Variants in NAPSA observed in about 807,000 individuals in gnomAD.
The protein encoded by NAPSA is napsin A aspartic peptidase.
A neutral mutation model predicts 36.7 loss-of-function variants in NAPSA; 37 were observed. That is an observed-to-expected ratio of 1.01 (90% confidence interval 0.78 to 1.33). The LOEUF is 1.33. NAPSA is among the 40% of genes most tolerant of loss of function. NAPSA has a pLI of 0.00. For missense variants in NAPSA, 532 were observed against 543.8 expected (o/e 0.98, Z 0.21); for synonymous variants, 222 against 234.5 (o/e 0.95, Z 0.49).
chr19:50,361,421 A>C (rs1601125285), intron 4 of NAPSA: 4 of 543,432 alleles, frequency 7.4e-6, no homozygotes, highest in African/African-American at 2.4e-5. Flanking sequence ...GAGAAGCCCC[A>C]CCTCTTAACC....
rs745335338 is a variant in NAPSA, at chr19:50,359,002, G to T, written c.1035+9C>A. 1.3e-5 allele frequency: 21 copies of T among 1,609,200 alleles called. No homozygotes were observed. In the Admixed American group the frequency reaches 3.5e-4, roughly 27 times the overall value. ...ACGTCACTATGGCGTCATGGTGATG[G>T]CCACCTACCTGGATGACGTAATCAT... is the stretch of plus-strand genomic sequence containing the variant. On this transcript the variant is annotated intron_variant, in intron 8 of 8. Coordinates refer to ENST00000253719, the MANE Select transcript of NAPSA (RefSeq NM_004851.3).
At chr19:50,366,301 T>C (rs987076083), upstream of NAPSA, among the ~76,000 whole-genome samples, 1 of 152,040 alleles carries the variant, frequency 6.6e-6, no homozygotes, top group Non-Finnish European at 1.5e-5. Context: ...GGTTTCTCCA[T>C]GTTGGTCAGG....
chr19:50,358,828 C>A, intron 8 of NAPSA, 48 bp from the exon 9 acceptor site: 1 of 1,529,456 alleles, frequency 6.5e-7, no homozygotes, highest in Admixed American at 2.0e-5. Context: ...ACAAGGACGG[C>A]CATTTGCCTG....
In NAPSA at chr19:50,362,405, A is replaced by G. The variant is rs564809644; in HGVS notation, c.84-92T>C. 21 of 1,241,176 alleles carry G rather than the reference A, an allele frequency of 1.7e-5. No homozygotes were observed. In the African/African-American group the frequency reaches 1.8e-4, roughly 11 times the overall value. The allele number at this position is 1,241,176 out of a possible 1,614,324, so 76.9% of individuals were successfully genotyped here. The stretch of plus-strand genomic sequence containing the variant: ...AATAGGATATGATGACAAATTCAAC[A>G]TCTCCAAGGCACTACAATAGTAGTC... On this transcript the variant is annotated intron_variant, in intron 1 of 8. Transcript: ENST00000253719.
intron 7 of NAPSA, 80 bp downstream of exon 7, chr19:50,359,423 C>A: frequency 6.3e-7 from 1 of 1,578,456 alleles, no homozygotes; most frequent in Non-Finnish European, 8.6e-7. Context: ...ATACTTGCCT[C>A]CCACCCTCAG....
At chr19:50,367,039 G>A (rs924021581), upstream of NAPSA, among the ~76,000 whole-genome samples, 1 of 152,092 alleles carries the variant, frequency 6.6e-6, no homozygotes, top group Non-Finnish European at 1.5e-5. Context: ...TGGTCAGGCT[G>A]GTCTCGAACT....
At chr19:50,365,128 G>A (rs1015588962) in intron 1 of NAPSA, among the ~76,000 whole-genome samples, 23 of 151,420 alleles carry the variant, frequency 1.5e-4, no homozygotes, top group African/African-American at 5.3e-4. Context: ...GAGGTCAGGG[G>A]TTCCAGACCA....
Position 50,358,483 on chromosome 19 carries a change from G to A in NAPSA, c.*70C>T. ...GCAACCCAGGCAGGTTCGCTCAATG[G>A]AAATAGTGGATTTTTACTGGGTAGC... is the stretch of plus-strand genomic sequence containing the variant. On this transcript the variant is annotated 3_prime_UTR_variant, in exon 9 of 9. Transcript: ENST00000253719. 1 of 1,327,440 alleles carries A rather than the reference G, an allele frequency of 7.5e-7. No homozygotes were observed. Among genetic ancestry groups the A allele is most frequent in the Non-Finnish European group, 1.0e-6 (1 of 987,272 alleles). The allele number at this position is 1,327,440 out of a possible 1,614,324, so 82.2% of individuals were successfully genotyped here.
At position 50,364,531 on chromosome 19, in the gene NAPSA, T is replaced by A. The variant is rs553458943; in HGVS notation, c.83+1008A>T. On this transcript the variant is annotated intron_variant, in intron 1 of 8. Transcript: ENST00000253719. ...TTGGGAGGCTGAGGCAGGAGAATGA[T>A]GTGAACCCGGGGGACAGAGCTTGCA... Among the ~76,000 whole-genome samples the A allele has an allele frequency of 6.7e-5, 9 of 134,718 alleles. No homozygotes were observed. The South Asian group carries it at 1.9e-3, about 29-fold the overall frequency. The allele number at this position is 134,718 out of a possible 152,430, so 88.4% of individuals were successfully genotyped here. A position where few individuals can be genotyped will look rare whatever the true frequency, so the allele number is the denominator to read the frequency against.
chr19:50,359,232 C>CA, intron 7 of NAPSA, 123 bp from the exon 8 acceptor site: 1 of 935,820 alleles, frequency 1.1e-6, no homozygotes, highest in East Asian at 2.5e-5. Context: ...GTCCTGTGTG[C>CA]AGAGGCCCTG....
At chr19:50,362,992 T>C (rs2037497827) in intron 1 of NAPSA, 1 of 152,200 alleles carries the variant, frequency 6.6e-6, no homozygotes, top group African/African-American at 2.4e-5. Flanking sequence ...AGTTCCCAGG[T>C]CATGACGATG....
In NAPSA at chr19:50,365,011, AAATAATAATAATAAT is replaced by A. The variant is rs112903812; in HGVS notation, c.83+513_83+527del. Reference sequence around the variant, plus strand: ...TGTCTCAAATAATAATAATAATAATAAATAATAATAATAATAATAATAATAATAAAAGGGCTCTGG... The same window carrying A: ...TGTCTCAAATAATAATAATAATAATAAATAATAATAATAAAAGGGCTCTGG... On this transcript the variant is annotated intron_variant, in intron 1 of 8. Transcript: ENST00000253719. Among the ~76,000 whole-genome samples, 5 of 140,632 alleles carry A rather than the reference AAATAATAATAATAAT, an allele frequency of 3.6e-5. No homozygotes were observed. In the East Asian group the frequency reaches 1.0e-3, roughly 29 times the overall value. The allele number at this position is 140,632 out of a possible 152,430, so 92.3% of individuals were successfully genotyped here. A position where few individuals can be genotyped will look rare whatever the true frequency, so the allele number is the denominator to read the frequency against.
In NAPSA at chr19:50,359,664, C is replaced by T. The variant is rs2123606777; in HGVS notation, c.792-17G>A. ...ACCTTCACACTGAGGGGGAAGGAGG[C>T]AGTCATCAGAGGCAGGGTCCTAGGA... On this transcript the variant is annotated splice_polypyrimidine_tract_variant and intron_variant, in intron 6 of 8. Coordinates refer to ENST00000253719, the MANE Select transcript of NAPSA (RefSeq NM_004851.3). 2 of 1,614,242 alleles carry T rather than the reference C, an allele frequency of 1.2e-6. No individual in the cohort carries two copies. The highest frequency in any genetic ancestry group is 8.5e-7 in the Non-Finnish European group (1 of 1,180,034).
chr19:50,362,061 G>A lies in NAPSA; in HGVS notation c.257C>T (p.Thr86Met), dbSNP rs184266060. The A allele has an allele frequency of 8.5e-5, 137 of 1,613,888 alleles. 3 individuals are homozygous for A. In the East Asian group the frequency reaches 2.5e-3, roughly 29 times the overall value. ...GGCAACAGTGAAGTTTTGTGGAGGC[G>A]TTCCCAGCCCAATTTCCCCAAAATA... ...VQYFGEIGLG[T>M]PPQNFTVAFD... is the part of the protein sequence containing the mutation. The change falls in exon 3 of 9, where the codon ACG becomes ATG. Residue 86 changes from threonine to methionine, a missense_variant. Thr to Met is a moderately conservative substitution (Grantham distance 81). This residue lies in a region of NAPSA where 45 missense variants were observed against 78.7 expected (regional missense o/e 0.57). Coordinates refer to ENST00000253719, the MANE Select transcript of NAPSA (RefSeq NM_004851.3).
chr19:50,362,081 A>C lies in NAPSA; in HGVS notation c.237T>G (p.Phe79Leu). The C allele has an allele frequency of 6.2e-7, 1 of 1,614,092 alleles. No homozygotes were observed. Among genetic ancestry groups the C allele is most frequent in the Non-Finnish European group, 8.5e-7 (1 of 1,180,000 alleles). The part of the protein sequence containing the change: ...PLSNYRDVQY[F>L]GEIGLGTPPQ... ...GAGGCGTTCCCAGCCCAATTTCCCC[A>C]AAATACTGCACCTGATAGCAAAAGA... The change falls in exon 3 of 9, where the codon TTT becomes TTG. Residue 79 changes from phenylalanine (F) to leucine (L), a missense_variant. Around this residue, in one of 3 missense-constraint regions of NAPSA, gnomAD observed 45 missense variants for 78.7 expected, o/e 0.57. Coordinates refer to ENST00000253719, the MANE Select transcript of NAPSA (RefSeq NM_004851.3).
In NAPSA at chr19:50,361,012, A is replaced by G. The variant is rs1368995611; in HGVS notation, c.597T>C (p.Val199=). 2 of 1,614,018 alleles carry G rather than the reference A, an allele frequency of 1.2e-6. No individual in the cohort carries two copies. The highest frequency in any genetic ancestry group is 2.7e-5 in the African/African-American group (2 of 74,894). The change falls in exon 5 of 9, where the codon GTT becomes GTC. Residue 199 remains valine, a synonymous_variant. Transcript: ENST00000253719. ...LGFPILSVEG[V]RPPMDVLVEQ... is the part of the protein sequence containing the mutation. ...CCACCAGTACATCCATCGGGGGCCG[A>G]ACTCCTTCCACAGACAGAATGGGAA...
intron 1 of NAPSA, among the ~76,000 whole-genome samples, chr19:50,364,664 A>G (rs903412546): frequency 2.5e-4 from 38 of 149,696 alleles, no homozygotes; most frequent in Non-Finnish European, 4.7e-4. Flanking sequence ...GGGGTCCTCA[A>G]TCTAGAGTCT....
chr19:50,365,990 G>T (rs978619384), upstream of NAPSA: 1 of 184,472 alleles, frequency 5.4e-6, no homozygotes, highest in Admixed American at 6.0e-5. Flanking sequence ...GGCCAAGTGG[G>T]AGAGACCAGC....
Position 50,358,664 on chromosome 19 carries a change from G to T in NAPSA, c.1152C>A (p.Val384=), listed in dbSNP as rs1389681056. The T allele has an allele frequency of 6.2e-7, 1 of 1,613,324 alleles. No homozygotes were observed. The highest frequency in any genetic ancestry group is 1.1e-5 in the South Asian group (1 of 91,076). ...TGCTCTTCATGTCCCCGCGGTCGAA[G>T]ACGGCCACATACGTCCCCAAGAAGA... ...GDVFLGTYVA[V]FDRGDMKSSA... is the part of the protein sequence containing the mutation. The change falls in exon 9 of 9, where the codon GTC becomes GTA. Residue 384 remains valine (V), a synonymous_variant. Coordinates refer to ENST00000253719, the MANE Select transcript of NAPSA (RefSeq NM_004851.3).
Sources: allele counts gnomAD v4.1 joint callset (sites outside exome capture counted in the v4.1 genomes callset), GRCh38; gene constraint gnomAD v4.1.1; regional missense constraint gnomAD v4.1.1; transcripts MANE v1.5; gene names NCBI Gene and HGNC (gene_info 2026-07-23, HGNC 2026-07-21).